GRIA1: variants seen among roughly 807,000 people sequenced by gnomAD.
GRIA1 encodes glutamate ionotropic receptor AMPA type subunit 1.
GRIA1 carries 31 observed loss-of-function variants against 99.2 expected under a neutral mutation model. That is an observed-to-expected ratio of 0.31 (90% CI 0.23 to 0.42). The LOEUF is 0.42. GRIA1 is among the 10% of genes least tolerant of loss of function. The probability of loss-of-function intolerance (pLI) is 1.00; values close to 1 mark genes in which losing one functional copy is unlikely to be tolerated. For synonymous variants in GRIA1, 438 were observed against 432.4 expected, an observed-to-expected ratio of 1.01 and a Z score of -0.16; for missense variants, 782 against 1,157.5, an observed-to-expected ratio of 0.68 and a Z score of 4.71.
At chr5:153,593,360 T>A (rs1439064392) in intron 2 of GRIA1, among the ~76,000 whole-genome samples, 1 of 152,216 alleles carries the variant, frequency 6.6e-6, no homozygotes, top group Non-Finnish European at 1.5e-5. Flanking sequence ...AACTTATGAA[T>A]TTGTGTAGGG....
chr5:153,571,654 T>G (rs974736226), intron 2 of GRIA1, among the ~76,000 whole-genome samples: 8 of 152,190 alleles, frequency 5.3e-5, no homozygotes, highest in Non-Finnish European at 1.2e-4. Context: ...CATGAAGCCG[T>G]AACTTCATAT....
chr5:153,543,580 G>T (rs1470174098), intron 2 of GRIA1, among the ~76,000 whole-genome samples: 1 of 152,118 alleles, frequency 6.6e-6, no homozygotes, highest in Admixed American at 6.5e-5. Flanking sequence ...CTTGAATGAG[G>T]AAGGAAAGAA....
chr5:153,554,370 C>T (rs1374489721), intron 2 of GRIA1, among the ~76,000 whole-genome samples: 4 of 152,154 alleles, frequency 2.6e-5, no homozygotes, highest in Non-Finnish European at 2.9e-5. Context: ...AGTATATTAT[C>T]AAAGGACTAT....
intron 10 of GRIA1, among the ~76,000 whole-genome samples, chr5:153,703,959 T>A (rs974134516): frequency 6.6e-6 from 1 of 152,190 alleles, no homozygotes; most frequent in Admixed American, 6.5e-5. Context: ...AAAAAGTAAA[T>A]ACCTTCTCCC....
intron 2 of GRIA1, among the ~76,000 whole-genome samples, chr5:153,541,890 A>G (rs1210824603): frequency 7.3e-6 from 1 of 136,948 alleles, no homozygotes; most frequent in African/African-American, 2.6e-5. Flanking sequence ...AGATCACGCC[A>G]CTGCACACCA....
At chr5:153,496,408 T>A (rs921022563) in intron 2 of GRIA1, among the ~76,000 whole-genome samples, 1 of 152,200 alleles carries the variant, frequency 6.6e-6, no homozygotes, top group Non-Finnish European at 1.5e-5. Flanking sequence ...ATATTGGAAA[T>A]ACAGAGATGA....
chr5:153,806,823 T>C (rs1487916904), intron 15 of GRIA1, among the ~76,000 whole-genome samples: 2 of 152,184 alleles, frequency 1.3e-5, no homozygotes, highest in East Asian at 3.9e-4. Context: ...GTTCTTACAA[T>C]CCTACAGATG....
intron 2 of GRIA1, among the ~76,000 whole-genome samples, chr5:153,494,712 A>G (rs1266075867): frequency 6.6e-6 from 1 of 152,192 alleles, no homozygotes; most frequent in Admixed American, 6.5e-5. Context: ...TGCATTGTAA[A>G]ATGTGGGCAA....
chr5:153,551,957 C>A (rs948242040), intron 2 of GRIA1, among the ~76,000 whole-genome samples: 2 of 152,108 alleles, frequency 1.3e-5, no homozygotes, highest in South Asian at 2.1e-4. Flanking sequence ...GAAAGCCCCC[C>A]CTCATCCTCT....
intron 2 of GRIA1, among the ~76,000 whole-genome samples, chr5:153,558,448 T>C (rs975240044): frequency 2.6e-5 from 4 of 152,120 alleles, no homozygotes; most frequent in African/African-American, 9.7e-5. Context: ...GTTTCTATAA[T>C]TTTTTTCTTT....
chr5:153,544,177 A>G (rs192088292), intron 2 of GRIA1, among the ~76,000 whole-genome samples: 40 of 152,242 alleles, frequency 2.6e-4, no homozygotes, highest in Admixed American at 2.4e-3. Flanking sequence ...TTATGCAGGA[A>G]CCCCAAGGCC....
At chr5:153,750,961 G>C (rs181501618) in intron 11 of GRIA1, among the ~76,000 whole-genome samples, 1 of 152,096 alleles carries the variant, frequency 6.6e-6, no homozygotes, top group Non-Finnish European at 1.5e-5. Context: ...TTAGCTAGGC[G>C]TGGTGGCGCA....
intron 2 of GRIA1, among the ~76,000 whole-genome samples, chr5:153,507,830 T>G (rs1755685772): frequency 6.6e-6 from 1 of 152,228 alleles, no homozygotes; most frequent in Admixed American, 6.5e-5. Flanking sequence ...GGTCTCTGCC[T>G]GCCTTCCTTT....
At chr5:153,629,196 T>C (rs1041466207) in intron 2 of GRIA1, among the ~76,000 whole-genome samples, 2 of 152,162 alleles carry the variant, frequency 1.3e-5, no homozygotes, top group African/African-American at 4.8e-5. Context: ...AAAAATGCCT[T>C]TCCTCCTCCT....
chr5:153,713,163 G>A (rs11741914), intron 11 of GRIA1, among the ~76,000 whole-genome samples: 29,112 of 152,250 alleles, frequency 0.19, 2,936 homozygotes, highest in Non-Finnish European at 0.21. Context: ...TACATGCTGG[G>A]TGAGCGAGGC....
intron 2 of GRIA1, among the ~76,000 whole-genome samples, chr5:153,583,920 C>G (rs940794345): frequency 2.0e-5 from 3 of 152,172 alleles, no homozygotes; most frequent in Non-Finnish European, 4.4e-5. Context: ...TTCTAATGTG[C>G]CAAGCTGCCT....
chr5:153,489,845 T>A (rs1351400738), upstream of GRIA1: 1 of 456,672 alleles, frequency 2.2e-6, no homozygotes, highest in Non-Finnish European at 4.4e-6. Flanking sequence ...TGTGTAAGTA[T>A]CCTTAGTCTT....
chr5:153,723,117 A>G lies in GRIA1; in HGVS notation c.1823+17050A>G, dbSNP rs141350773. Among the ~76,000 whole-genome samples, 1,113 of 152,330 alleles carry G rather than the reference A, an allele frequency of 7.3e-3. 11 individuals are homozygous for G. Among genetic ancestry groups the G allele is most frequent in the African/African-American group, 0.025 (1,039 of 41,560 alleles). On this transcript the variant is annotated intron_variant, in intron 11 of 15. Coordinates refer to ENST00000285900, the MANE Select transcript of GRIA1 (RefSeq NM_000827.4). ...AAGAAGAAATTGCATTTCAAATGAG[A>G]TAGAAGGTACTGGGGGGACAAAAAG... is the stretch of plus-strand genomic sequence containing the variant.
intron 11 of GRIA1, among the ~76,000 whole-genome samples, chr5:153,743,953 C>T (rs1761984001): frequency 1.3e-5 from 2 of 152,106 alleles, no homozygotes; most frequent in Non-Finnish European, 2.9e-5. Flanking sequence ...ACACAGGGCC[C>T]AGGTCCTAGT....
Sources: allele counts gnomAD v4.1 joint callset (sites outside exome capture counted in the v4.1 genomes callset), GRCh38; gene constraint gnomAD v4.1.1; transcripts MANE v1.5; gene names NCBI Gene and HGNC (gene_info 2026-07-23, HGNC 2026-07-21).